The following IGF1R variants were observed in gnomAD, a reference collection of about 807,000 sequenced individuals.
The protein encoded by IGF1R is insulin-like growth factor 1 receptor.
In IGF1R, 44 loss-of-function variants were observed where a neutral mutation model predicts 144.6. The observed-to-expected ratio is 0.30, with a 90% CI of 0.24 to 0.39. The LOEUF (loss-of-function observed/expected upper bound fraction) is 0.39, where lower values mean the gene tolerates loss of function less well. Ranked by LOEUF, IGF1R falls within the 10% of genes least tolerant of loss-of-function variation. The probability of loss-of-function intolerance (pLI) is 1.00; values close to 1 mark genes in which losing one functional copy is unlikely to be tolerated. For synonymous variants in IGF1R, 795 were observed against 722.8 expected (o/e 1.10, Z -1.60); for missense variants, 1,355 against 1,833.7 (o/e 0.74, Z 4.77).
chr15:98,788,293 G>A (rs2056053689), intron 2 of IGF1R, among the ~76,000 whole-genome samples: 3 of 152,134 alleles, frequency 2.0e-5, no homozygotes, highest in African/African-American at 7.2e-5. Flanking sequence ...ATTCAGAGGA[G>A]CATTTTAAAG....
chr15:98,685,173 G>A (rs1337719252), intron 1 of IGF1R, among the ~76,000 whole-genome samples: 1 of 151,978 alleles, frequency 6.6e-6, no homozygotes, highest in Non-Finnish European at 1.5e-5. Context: ...TCAAACTCCT[G>A]GACTCAAGCA....
intron 1 of IGF1R, among the ~76,000 whole-genome samples, chr15:98,659,594 G>A (rs192658734): frequency 6.6e-6 from 1 of 152,330 alleles, no homozygotes; most frequent in East Asian, 1.9e-4. Flanking sequence ...TACTGTGTCA[G>A]TGCGAGCTGT....
rs371954651 is a variant in IGF1R, at chr15:98,731,844, A to C, written c.640+23737A>C. Among the ~76,000 whole-genome samples the C allele has an allele frequency of 3.6e-4, 55 of 152,304 alleles. No individual in the cohort carries two copies. In the East Asian group the frequency reaches 6.9e-3, roughly 19 times the overall value. ...AAAATGTGGTTAGCAGTGACAGTTG[A>C]CAGCATGTTTGCCTGCAGTAGTGGT... On this transcript the variant is annotated intron_variant, in intron 2 of 20. Transcript: ENST00000650285.
At chr15:98,782,400 C>A (rs566561199) in intron 2 of IGF1R, among the ~76,000 whole-genome samples, 3 of 151,900 alleles carry the variant, frequency 2.0e-5, no homozygotes, top group Non-Finnish European at 4.4e-5. Context: ...TGTCACCATC[C>A]CCTTCCCCAT....
chr15:98,735,764 A>T (rs1024070507), intron 2 of IGF1R, among the ~76,000 whole-genome samples: 2 of 152,198 alleles, frequency 1.3e-5, no homozygotes, highest in Non-Finnish European at 1.5e-5. Context: ...CACCACTTTG[A>T]TTTATTTCTC....
rs768816311 is a variant in IGF1R, at chr15:98,964,455, C to G, written c.*7013C>G. 4.4e-6 allele frequency: 1 copy of G among 225,244 alleles called. No individual in the cohort carries two copies. Among genetic ancestry groups the G allele is most frequent in the African/African-American group, 2.2e-5 (1 of 44,814 alleles). The allele number at this position is 225,244 out of a possible 1,614,324, so 14.0% of individuals were successfully genotyped here. A position where few individuals can be genotyped will look rare whatever the true frequency, so the allele number is the denominator to read the frequency against. ...TTTTGAATGGCTGAAGCTAAGGCAA[C>G]GTTAGTTTCTCTTACTCTGCTTTTT... is the stretch of plus-strand genomic sequence containing the variant. On this transcript the variant is annotated 3_prime_UTR_variant, in exon 21 of 21. Transcript: ENST00000650285.
intron 5 of IGF1R, among the ~76,000 whole-genome samples, chr15:98,905,814 A>G (rs28534604): frequency 4.6e-5 from 7 of 152,232 alleles, no homozygotes; most frequent in Non-Finnish European, 1.0e-4. Context: ...TAGCGTATGC[A>G]TATTTTAAAG....
chr15:98,705,047 G>T (rs1358905047), intron 1 of IGF1R, among the ~76,000 whole-genome samples: 1 of 152,188 alleles, frequency 6.6e-6, no homozygotes, highest in Non-Finnish European at 1.5e-5. Flanking sequence ...GATATACTCG[G>T]ATGTATACGT....
chr15:98,938,778 A>G (rs2016253362), intron 17 of IGF1R, among the ~76,000 whole-genome samples: 1 of 152,250 alleles, frequency 6.6e-6, no homozygotes, highest in Non-Finnish European at 1.5e-5. Flanking sequence ...GCTTACTTCC[A>G]CACAGCCTTT....
At chr15:98,755,597 T>C (rs565242783) in intron 2 of IGF1R, among the ~76,000 whole-genome samples, 24 of 151,558 alleles carry the variant, frequency 1.6e-4, no homozygotes, top group Non-Finnish European at 3.4e-4. Flanking sequence ...AAAAATTAGC[T>C]GGGCGTGGTG....
intron 1 of IGF1R, among the ~76,000 whole-genome samples, chr15:98,703,561 T>G (rs2053787809): frequency 6.6e-6 from 1 of 152,256 alleles, no homozygotes; most frequent in Admixed American, 6.5e-5. Flanking sequence ...GGCTTGTCTT[T>G]TCTTCCAGAG....
In IGF1R at chr15:98,957,787, T is replaced by C. The variant is rs900179191; in HGVS notation, c.*345T>C. 3 of 363,180 alleles carry C rather than the reference T, an allele frequency of 8.3e-6. No individual in the cohort carries two copies. Among genetic ancestry groups the C allele is most frequent in the African/African-American group, 6.1e-5 (3 of 48,968 alleles). 22.5% of individuals were successfully genotyped at this position (363,180 alleles called of 1,614,324 possible). A position where few individuals can be genotyped will look rare whatever the true frequency, so the allele number is the denominator to read the frequency against. On this transcript the variant is annotated 3_prime_UTR_variant, in exon 21 of 21. Coordinates refer to ENST00000650285, the MANE Select transcript of IGF1R (RefSeq NM_000875.5). Reference sequence around the variant, plus strand: ...TCTCCCTTTCTCTCTCCTCTCTGCTTCATAACGGAAAAATAATTGCCACAA... The same window carrying C: ...TCTCCCTTTCTCTCTCCTCTCTGCTCCATAACGGAAAAATAATTGCCACAA...
intron 2 of IGF1R, among the ~76,000 whole-genome samples, chr15:98,766,417 T>C (rs980708044): frequency 5.9e-5 from 9 of 152,204 alleles, no homozygotes; most frequent in Non-Finnish European, 1.0e-4. Flanking sequence ...TACTTTAAAG[T>C]AGGTATTCTG....
At chr15:98,721,881 TG>T (rs896907094) in intron 2 of IGF1R, among the ~76,000 whole-genome samples, 1 of 152,194 alleles carries the variant, frequency 6.6e-6, no homozygotes, top group Non-Finnish European at 1.5e-5. Context: ...GTGAATTATT[TG>T]GGGTCCTATG....
intron 2 of IGF1R, among the ~76,000 whole-genome samples, chr15:98,826,721 G>A (rs1248618564): frequency 1.3e-5 from 2 of 152,172 alleles, no homozygotes; most frequent in South Asian, 4.1e-4. Flanking sequence ...ATATGTAAAT[G>A]TTTTAGGGAG....
intron 2 of IGF1R, among the ~76,000 whole-genome samples, chr15:98,753,083 G>C (rs981669174): frequency 6.6e-6 from 1 of 151,696 alleles, no homozygotes; most frequent in Non-Finnish European, 1.5e-5. Flanking sequence ...CTACAGGCAC[G>C]TGCCACCACA....
chr15:98,700,611 A>T (rs1298545072), intron 1 of IGF1R, among the ~76,000 whole-genome samples: 1 of 152,180 alleles, frequency 6.6e-6, no homozygotes, highest in African/African-American at 2.4e-5. Context: ...AGCAAAGTGA[A>T]GTTGACCTCC....
At chr15:98,729,803 T>C (rs11633717) in intron 2 of IGF1R, among the ~76,000 whole-genome samples, 47,727 of 152,042 alleles carry the variant, frequency 0.31, 7,676 homozygotes, top group South Asian at 0.39. Flanking sequence ...CTTGGCACGA[T>C]GTGTGTGAGT....
At chr15:98,659,764 TA>T (rs1199123317) in intron 1 of IGF1R, among the ~76,000 whole-genome samples, 1 of 152,094 alleles carries the variant, frequency 6.6e-6, no homozygotes, top group Non-Finnish European at 1.5e-5. Context: ...GATTAGAGAT[TA>T]AAAAAACACT....
Sources: allele counts gnomAD v4.1 joint callset (sites outside exome capture counted in the v4.1 genomes callset), GRCh38; gene constraint gnomAD v4.1.1; transcripts MANE v1.5; gene names NCBI Gene and HGNC (gene_info 2026-07-23, HGNC 2026-07-21).